STAB2: variants seen among roughly 807,000 people sequenced by gnomAD.
STAB2 encodes stabilin-2.
In STAB2, 288 loss-of-function variants were observed where a neutral mutation model predicts 338.1. The observed-to-expected ratio is 0.85, with a 90% confidence interval of 0.77 to 0.94. The LOEUF (loss-of-function observed/expected upper bound fraction) is 0.94. Ranked by LOEUF, STAB2 falls within the 40% of genes least tolerant of loss-of-function variation. The probability of loss-of-function intolerance (pLI) is 0.00; values close to 1 mark genes in which losing one functional copy is unlikely to be tolerated. For missense variants in STAB2, 3,141 were observed against 3,210.1 expected (o/e 0.98, Z 0.52); for synonymous variants, 1,202 against 1,193.3 (o/e 1.01, Z -0.15).
intron 3 of STAB2, among the ~76,000 whole-genome samples, chr12:103,618,858 C>T (rs1957252236): frequency 1.3e-5 from 2 of 152,098 alleles, no homozygotes; most frequent in Admixed American, 1.3e-4. Context: ...TGTAATAATT[C>T]TCACGTGTCA....
chr12:103,694,225 T>C (rs1406495142), intron 31 of STAB2, among the ~76,000 whole-genome samples: 1 of 152,200 alleles, frequency 6.6e-6, no homozygotes, highest in African/African-American at 2.4e-5. Context: ...TGCAAACTCC[T>C]AGAGAAAGGA....
intron 12 of STAB2, among the ~76,000 whole-genome samples, chr12:103,653,601 T>C (rs1873910163): frequency 8.0e-6 from 1 of 125,336 alleles, no homozygotes; most frequent in Non-Finnish European, 1.7e-5. Flanking sequence ...CATGGATAGG[T>C]CACTGGATGG....
At position 103,658,170 on chromosome 12, in the gene STAB2, G is replaced by A. The variant is rs892739612; in HGVS notation, c.1735-2161G>A. Among the ~76,000 whole-genome samples the A allele has an allele frequency of 2.0e-5, 3 of 152,210 alleles. 1 individual carries two copies. The highest frequency in any genetic ancestry group is 1.5e-5 in the Non-Finnish European group (1 of 68,040). On this transcript the variant is annotated intron_variant, in intron 15 of 68. Coordinates refer to ENST00000388887, the MANE Select transcript of STAB2 (RefSeq NM_017564.10). The stretch of plus-strand genomic sequence containing the variant: ...GCAAGTAAAGTGGGGAAAGGGACGT[G>A]AATTTATACAGTTCAAGGTCAAATT...
intron 43 of STAB2, 52 bp from the exon 44 acceptor site, chr12:103,717,718 C>CA: frequency 6.4e-7 from 1 of 1,554,874 alleles, no homozygotes; most frequent in Non-Finnish European, 8.9e-7. Flanking sequence ...ACCATGCGGC[C>CA]AGTACAGAAC....
rs1281864807 is a variant in STAB2 at position 103,702,323 on chromosome 12, G to T, written c.3715-825G>T. Among the ~76,000 whole-genome samples the T allele has an allele frequency of 2.1e-5, 3 of 145,648 alleles. No homozygotes were observed. In the Admixed American group the frequency reaches 2.1e-4, roughly 10 times the overall value. On this transcript the variant is annotated intron_variant, in intron 34 of 68. Transcript: ENST00000388887. ...TTTTTTTTTTTTGAGACGGAGTCTC[G>T]CTCTGTCGCCCAGGCCGGACTGCGG...
chr12:103,664,197 G>A (rs986077637), intron 18 of STAB2, among the ~76,000 whole-genome samples: 4 of 152,156 alleles, frequency 2.6e-5, no homozygotes, highest in African/African-American at 9.7e-5. Flanking sequence ...AGGCTGGAGT[G>A]CAGTGGCAGG....
At chr12:103,670,612 G>T in intron 21 of STAB2, 84 bp from the exon 22 acceptor site, 1 of 1,065,568 alleles carries the variant, frequency 9.4e-7, no homozygotes, top group Admixed American at 2.0e-5. Flanking sequence ...GATTTAATCT[G>T]AATTCAAAGA....
At chr12:103,612,037 A>G (rs1043902333) in intron 3 of STAB2, among the ~76,000 whole-genome samples, 1 of 152,112 alleles carries the variant, frequency 6.6e-6, no homozygotes, top group East Asian at 1.9e-4. Flanking sequence ...TGGCTTGTAG[A>G]GTTTCTGCTG....
chr12:103,656,110 ACTT>A (rs1164961965), intron 15 of STAB2, among the ~76,000 whole-genome samples: 3 of 152,188 alleles, frequency 2.0e-5, no homozygotes, highest in African/African-American at 4.8e-5. Flanking sequence ...GCAATTATTG[ACTT>A]CTTCATATCG....
At chr12:103,758,111 C>A in intron 63 of STAB2, 59 bp from the exon 64 acceptor site, 1 of 1,606,026 alleles carries the variant, frequency 6.2e-7, no homozygotes. Context: ...CCTTCTTCAG[C>A]CACCCAGGTC....
At chr12:103,739,325 C>T (rs923870329) in intron 53 of STAB2, 87 bp from the exon 54 acceptor site, 70 of 1,280,576 alleles carry the variant, frequency 5.5e-5, no homozygotes, top group East Asian at 5.0e-4. Context: ...TAGTTAAGCC[C>T]TTAATCCATC....
intron 3 of STAB2, among the ~76,000 whole-genome samples, chr12:103,603,876 C>T (rs146007952): frequency 6.6e-6 from 1 of 152,260 alleles, no homozygotes; most frequent in African/African-American, 2.4e-5. Flanking sequence ...TTACTTAGGA[C>T]TTCTTTTATT....
intron 55 of STAB2, among the ~76,000 whole-genome samples, chr12:103,742,096 ATCAT>A (rs1320483302): frequency 1.3e-5 from 2 of 152,220 alleles, no homozygotes; most frequent in Non-Finnish European, 2.9e-5. Context: ...TATTATCATC[ATCAT>A]TTAGATCTAA....
At chr12:103,727,532 T>G (rs1057294245) in intron 47 of STAB2, among the ~76,000 whole-genome samples, 182 bp downstream of exon 47, 1 of 152,174 alleles carries the variant, frequency 6.6e-6, no homozygotes, top group African/African-American at 2.4e-5. Flanking sequence ...AACATTCAGG[T>G]GGATTTGGGG....
rs1593193649 is a variant in STAB2 at position 103,660,186 on chromosome 12, G to A, written c.1735-145G>A. 5 of 804,778 alleles carry A rather than the reference G, an allele frequency of 6.2e-6. No homozygotes were observed. The East Asian group carries it at 1.2e-4, about 20-fold the overall frequency. 49.9% of individuals were successfully genotyped at this position (804,778 alleles called of 1,614,324 possible). A position where few individuals can be genotyped will look rare whatever the true frequency, so the allele number is the denominator to read the frequency against. On this transcript the variant is annotated intron_variant, in intron 15 of 68. Coordinates refer to ENST00000388887, the MANE Select transcript of STAB2 (RefSeq NM_017564.10). ...GAATTTGGTGAACGTTAGCTATTTG[G>A]AGGTGGGGTTTCTCTCACCCTGGAT...
chr12:103,594,641 T>C (rs1956849750), intron 3 of STAB2, 131 bp downstream of exon 3: 2 of 711,334 alleles, frequency 2.8e-6, no homozygotes, highest in East Asian at 5.4e-5. Flanking sequence ...TGTTAGTCTA[T>C]ATGTAGAAAA....
At position 103,733,072 on chromosome 12, in the gene STAB2, G is replaced by A. The variant is rs147807697; in HGVS notation, c.5350G>A (p.Asp1784Asn). The part of the protein sequence containing the change: ...HTPVTLFWPT[D>N]QALHALPAEQ... ...CCCAGTCACTCTCTTCTGGCCCACC[G>A]ACCAAGCCCTCCATGCCCTACCTGC... Residue 1784 changes from aspartate (D) to asparagine (N), a missense_variant, in exon 51 of 69, where the codon GAC becomes AAC. Asp to Asn is a conservative substitution (Grantham distance 23). Transcript: ENST00000388887. 31 of 1,613,928 alleles carry A rather than the reference G, an allele frequency of 1.9e-5. No individual in the cohort carries two copies. The highest frequency in any genetic ancestry group is 1.6e-4 in the Middle Eastern group (1 of 6,082).
intron 39 of STAB2, among the ~76,000 whole-genome samples, chr12:103,710,005 T>C (rs1043007617): frequency 6.6e-6 from 1 of 152,130 alleles, no homozygotes; most frequent in Non-Finnish European, 1.5e-5. Context: ...ACATATTCCA[T>C]GTCTCCACAT....
In STAB2 at chr12:103,703,265, A is replaced by T; in HGVS notation, c.3832A>T (p.Thr1278Ser). The change falls in exon 35 of 69, where the codon ACT becomes TCT. Residue 1278 changes from threonine (T) to serine (S), a missense_variant. Transcript: ENST00000388887. ...GAACAGATGTGATAATAATGACACT[A>T]CTATTATACGAGTAAGTTCTATGGG... ...QKNRCDNNDT[T>S]IIRGRCRTCS... 1 of 1,613,016 alleles carries T rather than the reference A, an allele frequency of 6.2e-7. No individual in the cohort carries two copies. The highest frequency in any genetic ancestry group is 8.5e-7 in the Non-Finnish European group (1 of 1,180,004).
Sources: gnomAD v4.1 joint callset for allele counts (sites outside exome capture counted in the v4.1 genomes callset) on GRCh38, gnomAD v4.1.1 for gene constraint, MANE v1.5 for transcripts, NCBI Gene and HGNC (gene_info 2026-07-23, HGNC 2026-07-21) for gene names.